Variants in RYR2 observed in about 807,000 individuals in gnomAD.
The protein encoded by RYR2 is cardiac muscle ryanodine receptor-calcium release channel.
A neutral mutation model predicts 601.1 loss-of-function variants in RYR2; 227 were observed. That is an observed-to-expected ratio of 0.38 (90% CI 0.34 to 0.42). The LOEUF is 0.42. RYR2 is among the 10% of genes least tolerant of loss of function. The pLI is 1.00. For synonymous variants in RYR2, 2,223 were observed against 2,175.1 expected, an observed-to-expected ratio of 1.02 and a Z score of -0.61; for missense variants, 4,646 against 6,156.5, an observed-to-expected ratio of 0.75 and a Z score of 8.21.
chr1:237,374,740 C>T lies in RYR2; in HGVS notation c.408C>T (p.Ser136=), dbSNP rs1553425562. The part of the protein sequence containing the change: ...SGMYLCCLST[S]RSSTDKLAFD... ...AGTATCTGTGCTGCCTGTCCACCTC[C>T]CGGTCTTCAACTGATAAGCTGGCTT... Residue 136 remains serine, a synonymous_variant, in exon 7 of 105, where the codon TCC becomes TCT. Coordinates refer to ENST00000366574, the MANE Select transcript of RYR2 (RefSeq NM_001035.3). The T allele has an allele frequency of 6.2e-7, 1 of 1,613,074 alleles. No individual in the cohort carries two copies. The highest frequency in any genetic ancestry group is 8.5e-7 in the Non-Finnish European group (1 of 1,179,528).
At chr1:237,083,378 A>G (rs1665964460) in intron 1 of RYR2, among the ~76,000 whole-genome samples, 1 of 152,194 alleles carries the variant, frequency 6.6e-6, no homozygotes, top group South Asian at 2.1e-4. Flanking sequence ...CAGGCAAGCC[A>G]GGTAACCCTC....
At chr1:237,249,409 C>T (rs1425977693) in intron 1 of RYR2, among the ~76,000 whole-genome samples, 1 of 147,702 alleles carries the variant, frequency 6.8e-6, no homozygotes, top group African/African-American at 2.5e-5. Flanking sequence ...ACCTCTGGTG[C>T]TACTCCAAGT....
intron 14 of RYR2, among the ~76,000 whole-genome samples, chr1:237,446,754 C>A (rs995044504): frequency 1.3e-5 from 2 of 152,166 alleles, no homozygotes; most frequent in African/African-American, 2.4e-5. Context: ...CAACTCCAAG[C>A]CTCATCAGAT....
chr1:237,364,998 A>T (rs1048561575), intron 5 of RYR2, among the ~76,000 whole-genome samples: 2 of 152,224 alleles, frequency 1.3e-5, no homozygotes, highest in Non-Finnish European at 2.9e-5. Context: ...GCATGTGGAC[A>T]TGTCATCGAA....
intron 27 of RYR2, among the ~76,000 whole-genome samples, chr1:237,557,310 A>G (rs553011656): frequency 7.9e-5 from 12 of 152,316 alleles, no homozygotes; most frequent in African/African-American, 2.9e-4. Context: ...GAAGTGAACC[A>G]CTAAATGAAG....
intron 24 of RYR2, among the ~76,000 whole-genome samples, chr1:237,517,291 CCACTTCCTT>C (rs1487660559): frequency 6.6e-6 from 1 of 152,174 alleles, no homozygotes; most frequent in Non-Finnish European, 1.5e-5. Context: ...AATTTCCTCA[CCACTTCCTT>C]CACTTCCTTT....
At chr1:237,466,536 T>C (rs894606464) in intron 16 of RYR2, among the ~76,000 whole-genome samples, 1 of 152,066 alleles carries the variant, frequency 6.6e-6, no homozygotes, top group Non-Finnish European at 1.5e-5. Context: ...GGTAGTTAGC[T>C]TATATTTAAA....
chr1:237,806,112 C>G, intron 98 of RYR2, 25 bp from the exon 99 acceptor site: 1 of 1,608,474 alleles, frequency 6.2e-7, no homozygotes, highest in South Asian at 1.1e-5. Context: ...CTGACATGTT[C>G]TTTCCCCCCG....
intron 16 of RYR2, among the ~76,000 whole-genome samples, chr1:237,462,892 T>G (rs1228301414): frequency 6.6e-6 from 1 of 152,092 alleles, no homozygotes; most frequent in East Asian, 1.9e-4. Context: ...ACAAGACACA[T>G]CCTTTAAAAT....
Position 237,651,451 on chromosome 1 carries a change from T to G in RYR2, c.7774T>G (p.Leu2592Val), listed in dbSNP as rs761019645. The change falls in exon 51 of 105, where the codon TTA becomes GTA. Residue 2592 changes from leucine (L) to valine (V), a missense_variant. Physicochemically the swap from Leu to Val is conservative, Grantham distance 32. Transcript: ENST00000366574. The stretch of plus-strand genomic sequence containing the variant: ...TATGATGCAGCACTTACTCAGAAGA[T>G]TAGTATTTGATGTTCCATTATTAAA... Reference protein sequence around the residue: ...PSMMQHLLRRLVFDVPLLNEH... With the variant: ...PSMMQHLLRRVVFDVPLLNEH... 1 of 1,595,488 alleles carries G rather than the reference T, an allele frequency of 6.3e-7. No individual in the cohort carries two copies. Among genetic ancestry groups the G allele is most frequent in the Admixed American group, 1.7e-5 (1 of 57,708 alleles).
chr1:237,381,394 ATCT>A (rs1375286648), intron 8 of RYR2, among the ~76,000 whole-genome samples: 1 of 152,168 alleles, frequency 6.6e-6, no homozygotes, highest in Admixed American at 6.5e-5. Flanking sequence ...AGCAAGGTTC[ATCT>A]TCTGAAGAGA....
chr1:237,479,727 T>A (rs184524230), intron 17 of RYR2, among the ~76,000 whole-genome samples: 1 of 152,316 alleles, frequency 6.6e-6, no homozygotes, highest in East Asian at 1.9e-4. Context: ...TTTTGAACAT[T>A]ATAATGACTG....
intron 3 of RYR2, among the ~76,000 whole-genome samples, chr1:237,335,660 T>C (rs1697178323): frequency 6.6e-6 from 1 of 152,162 alleles, no homozygotes; most frequent in Non-Finnish European, 1.5e-5. Context: ...GCCACTTGAC[T>C]GGGTCCCTTT....
intron 10 of RYR2, among the ~76,000 whole-genome samples, chr1:237,397,742 G>C (rs1258478625): frequency 7.1e-6 from 1 of 140,576 alleles, no homozygotes; most frequent in Non-Finnish European, 1.5e-5. Context: ...TTTTTTTTGA[G>C]ACAGAGTCTT....
chr1:237,711,857 C>G lies in RYR2; in HGVS notation c.10323+20C>G, dbSNP rs750303478. ...TCAAAGGTATTACTATAAACTGTTT[C>G]ACTGTTCTGGAAAATATCTGAATGT... On this transcript the variant is annotated intron_variant, in intron 71 of 104. Transcript: ENST00000366574. The G allele has an allele frequency of 9.1e-7, 1 of 1,099,268 alleles. No homozygotes were observed. 68.1% of individuals were successfully genotyped at this position (1,099,268 alleles called of 1,614,324 possible). A position where few individuals can be genotyped will look rare whatever the true frequency, so the allele number is the denominator to read the frequency against.
At chr1:237,622,155 A>G (rs1573169643) in intron 38 of RYR2, among the ~76,000 whole-genome samples, 1 of 152,208 alleles carries the variant, frequency 6.6e-6, no homozygotes, top group South Asian at 2.1e-4. Flanking sequence ...AGAAAATCTA[A>G]AATAGTTTCT....
At chr1:237,599,516 A>C (rs1676258861) in intron 34 of RYR2, among the ~76,000 whole-genome samples, 1 of 152,134 alleles carries the variant, frequency 6.6e-6, no homozygotes, top group Non-Finnish European at 1.5e-5. Flanking sequence ...TCTCAGTTAC[A>C]ATAGCTTTAA....
chr1:237,338,709 C>G (rs978893183), intron 3 of RYR2, among the ~76,000 whole-genome samples: 1 of 152,110 alleles, frequency 6.6e-6, no homozygotes, highest in African/African-American at 2.4e-5. Context: ...CCTCATTCTT[C>G]TGGTATTATG....
At chr1:237,637,663 C>G (rs963637366) in intron 44 of RYR2, among the ~76,000 whole-genome samples, 1 of 152,190 alleles carries the variant, frequency 6.6e-6, no homozygotes, top group Non-Finnish European at 1.5e-5. Context: ...AACAATTTCT[C>G]TTTAAAATAT....
Sources: allele counts gnomAD v4.1 joint callset (sites outside exome capture counted in the v4.1 genomes callset), GRCh38; gene constraint gnomAD v4.1.1; transcripts MANE v1.5; gene names NCBI Gene and HGNC (gene_info 2026-07-23, HGNC 2026-07-21).